MAN2B1: variants seen among roughly 807,000 people sequenced by gnomAD.
MAN2B1 encodes lysosomal alpha-mannosidase.
A neutral mutation model predicts 127.5 loss-of-function variants in MAN2B1; 99 were observed. The observed-to-expected ratio is 0.78, with a 90% CI of 0.66 to 0.92. MAN2B1 has a LOEUF of 0.92. MAN2B1 is among the 40% of genes least tolerant of loss of function. The probability of loss-of-function intolerance (pLI) is 0.00; values close to 1 mark genes in which losing one functional copy is unlikely to be tolerated. For missense variants in MAN2B1, 1,304 were observed against 1,384.8 expected, an observed-to-expected ratio of 0.94 and a Z score of 0.93; for synonymous variants, 573 against 568.8, an observed-to-expected ratio of 1.01 and a Z score of -0.11.
chr19:12,648,824 A>G (rs1351371138), intron 20 of MAN2B1, among the ~76,000 whole-genome samples: 1 of 152,096 alleles, frequency 6.6e-6, no homozygotes, highest in African/African-American at 2.4e-5. Flanking sequence ...GTGAAACCCC[A>G]TCTCTACTAA....
chr19:12,649,888 C>T (rs2023800352), intron 18 of MAN2B1, 25 bp downstream of exon 18: 1 of 1,584,512 alleles, frequency 6.3e-7, no homozygotes, highest in Non-Finnish European at 8.7e-7. Flanking sequence ...AGACCACCCC[C>T]TCAGTGCTCT....
chr19:12,646,834 C>A, intron 23 of MAN2B1, 102 bp from the exon 24 acceptor site: 1 of 822,938 alleles, frequency 1.2e-6, no homozygotes, highest in East Asian at 2.5e-5. Flanking sequence ...TGCATATCCC[C>A]GAATCTGTCT....
rs781197939 is a variant in MAN2B1 at position 12,649,927 on chromosome 19, C to T, written c.2253G>A (p.Glu751=). 1.2e-5 allele frequency: 20 copies of T among 1,612,926 alleles called. No homozygotes were observed. The East Asian group carries it at 3.6e-4, about 29-fold the overall frequency. ...GRFYTDSNGR[E]ILERRRDYRP... ...TCACCCCCCACCTCCTCTCCAGGAT[C>T]TCCCGGCCATTGCTGTCTGTGTAGA... is the stretch of plus-strand genomic sequence containing the variant. Residue 751 remains glutamate, a synonymous_variant, in exon 18 of 24, where the codon GAG becomes GAA. Transcript: ENST00000456935.
intron 7 of MAN2B1, among the ~76,000 whole-genome samples, chr19:12,660,275 C>T (rs576677986): frequency 2.5e-4 from 38 of 152,232 alleles, no homozygotes; most frequent in Middle Eastern, 3.4e-3. Context: ...GGAGGCCGAG[C>T]GGGGTGGATC....
chr19:12,666,165 A>G (rs1369826957), intron 1 of MAN2B1, among the ~76,000 whole-genome samples: 3 of 152,040 alleles, frequency 2.0e-5, no homozygotes, highest in Non-Finnish European at 2.9e-5. Context: ...GACTTGCCCA[A>G]CGTCACACAC....
chr19:12,664,712 G>A, intron 4 of MAN2B1, 80 bp downstream of exon 4: 1 of 1,408,730 alleles, frequency 7.1e-7, no homozygotes, highest in South Asian at 1.2e-5. Context: ...GAGATTGCAG[G>A]GAGAGGGCGG....
rs2024166474 is a variant in MAN2B1, at chr19:12,663,846, G to C, written c.631-11C>G. 1.2e-6 allele frequency: 2 copies of C among 1,614,096 alleles called. No individual in the cohort carries two copies. Among genetic ancestry groups the C allele is most frequent in the Non-Finnish European group, 1.7e-6 (2 of 1,180,038 alleles). On this transcript the variant is annotated splice_polypyrimidine_tract_variant and intron_variant, in intron 4 of 23. Transcript: ENST00000456935. ...GCCGTCGAAGCCCATCTGGGGATGA[G>C]GGAGGAAAAGGCAGTGTGAATTAGT... is the stretch of plus-strand genomic sequence containing the variant.
chr19:12,658,818 A>T (rs917504069), intron 7 of MAN2B1: 1 of 412,876 alleles, frequency 2.4e-6, no homozygotes, highest in Non-Finnish European at 4.5e-6. Context: ...ATAGGGCAGG[A>T]ATAATCGTTT....
At chr19:12,650,263 A>G in intron 16 of MAN2B1, 41 bp from the exon 17 acceptor site, 2 of 1,277,380 alleles carry the variant, frequency 1.6e-6, no homozygotes, top group Non-Finnish European at 2.3e-6. Context: ...TCTGTACCTG[A>G]GCAGAGGTGA....
chr19:12,650,338 C>A, intron 16 of MAN2B1, 116 bp from the exon 17 acceptor site: 4 of 727,548 alleles, frequency 5.5e-6, no homozygotes, highest in Admixed American at 1.9e-5. Context: ...GGTCAACCTT[C>A]AGTCACCGCC....
chr19:12,660,911 A>T, intron 7 of MAN2B1: 1 of 344,860 alleles, frequency 2.9e-6, no homozygotes, highest in East Asian at 7.6e-5. Context: ...GGCACGCACC[A>T]TCACACCCAG....
In MAN2B1 at chr19:12,647,490, C is replaced by T. The variant is rs1256064115; in HGVS notation, c.2773G>A (p.Glu925Lys). 3.7e-6 allele frequency: 6 copies of T among 1,614,270 alleles called. No individual in the cohort carries two copies. The highest frequency in any genetic ancestry group is 2.2e-5 in the East Asian group (1 of 44,882). ...LRLEHQFAVG[E>K]DSGRNLSAPV... ...GCGCTCAGGTTACGTCCGGAATCCT[C>T]TCCTACGGCAAACTGGTGCTCCAAG... The change falls in exon 22 of 24, where the codon GAG (glutamate) becomes AAG (lysine). Residue 925 changes from glutamate (E) to lysine (K), a missense_variant. By Grantham distance (56) the Glu-to-Lys change is moderately conservative (BLOSUM62 1). Transcript: ENST00000456935. The surrounding 1 kb of genome is among the most constrained non-coding windows in gnomAD (Gnocchi z 4.9).
chr19:12,648,748 A>C (rs2023764338), intron 20 of MAN2B1, among the ~76,000 whole-genome samples: 1 of 151,054 alleles, frequency 6.6e-6, no homozygotes, highest in South Asian at 2.1e-4. Flanking sequence ...TAATCCCAGC[A>C]CTTTGGGAGG....
At chr19:12,661,936 C>T (rs1216111747) in intron 6 of MAN2B1, among the ~76,000 whole-genome samples, 1 of 151,946 alleles carries the variant, frequency 6.6e-6, no homozygotes, top group African/African-American at 2.4e-5. Context: ...CCTCCACCTG[C>T]CAGGTTCAAG....
chr19:12,661,161 T>C (rs552625097), intron 7 of MAN2B1, 99 bp downstream of exon 7: 21 of 840,070 alleles, frequency 2.5e-5, no homozygotes, highest in South Asian at 1.9e-4. Flanking sequence ...AATAGAACAA[T>C]AGAAAACAAA....
Position 12,658,268 on chromosome 19 carries a change from G to A in MAN2B1, c.1186C>T (p.Pro396Ser). Residue 396 changes from proline to serine, a missense_variant, in exon 9 of 24, where the codon CCG becomes TCG. Coordinates refer to ENST00000456935, the MANE Select transcript of MAN2B1 (RefSeq NM_000528.4). ...AGGCGCTCGTAGCGTTTGAGGGCCG[G>A]CCGACTGGAAAAGTAACCGGTCCAG... ...QFWTGYFSSR[P>S]ALKRYERLSY... 3 of 1,614,200 alleles carry A rather than the reference G, an allele frequency of 1.9e-6. No individual in the cohort carries two copies. The South Asian group carries it at 3.3e-5, about 18-fold the overall frequency.
intron 23 of MAN2B1, 193 bp from the exon 24 acceptor site, chr19:12,646,925 A>T (rs1417838461): frequency 3.1e-5 from 19 of 615,888 alleles, no homozygotes; most frequent in Non-Finnish European, 4.9e-5. Flanking sequence ...CATACCCTCA[A>T]TCTGGCCACT....
At chr19:12,657,082 T>G in intron 11 of MAN2B1, 26 bp from the exon 12 acceptor site, 1 of 1,431,960 alleles carries the variant, frequency 7.0e-7, no homozygotes, top group African/African-American at 1.4e-5. Context: ...AAGGGACCGG[T>G]GGGTTCAGGA....
At chr19:12,651,641 G>T (rs1268937959) in intron 16 of MAN2B1, among the ~76,000 whole-genome samples, 1 of 147,132 alleles carries the variant, frequency 6.8e-6, no homozygotes, top group Non-Finnish European at 1.5e-5. Flanking sequence ...GGACAAATGT[G>T]AGTTTTGTCA....
Sources: gnomAD v4.1 joint callset for allele counts (sites outside exome capture counted in the v4.1 genomes callset) on GRCh38, gnomAD v4.1.1 for gene constraint, Gnocchi (gnomAD v3.1) non-coding constraint, MANE v1.5 for transcripts, NCBI Gene and HGNC (gene_info 2026-07-23, HGNC 2026-07-21) for gene names.